Variants in PCDH15 observed in about 807,000 individuals in gnomAD.
The protein encoded by PCDH15 is protocadherin related 15.
Under a neutral mutation model 178.5 loss-of-function variants are expected in PCDH15, and 129 were observed. The observed-to-expected ratio is 0.72, with a 90% confidence interval of 0.63 to 0.84. The LOEUF is 0.84. Among genes scored for constraint, PCDH15 ranks in the 40% least tolerant of loss-of-function variants. PCDH15 has a pLI of 0.00. For missense variants in PCDH15, 2,230 were observed against 2,099.9 expected (o/e 1.06, Z -1.21); for synonymous variants, 800 against 732.0 (o/e 1.09, Z -1.50).
At chr10:54,064,984 C>T (rs2094109715) in intron 18 of PCDH15, among the ~76,000 whole-genome samples, 2 of 152,168 alleles carry the variant, frequency 1.3e-5, no homozygotes, top group Non-Finnish European at 2.9e-5. Context: ...AGCATTTAGC[C>T]CAGGTCATAC....
intron 2 of PCDH15, among the ~76,000 whole-genome samples, chr10:55,472,232 T>C (rs1000938968): frequency 2.0e-5 from 3 of 152,208 alleles, no homozygotes; most frequent in Admixed American, 1.3e-4. Context: ...ATCTAAGGCA[T>C]GTATCTATTA....
At chr10:55,473,506 A>G (rs1451135153) in intron 2 of PCDH15, among the ~76,000 whole-genome samples, 1 of 152,198 alleles carries the variant, frequency 6.6e-6, no homozygotes, top group Non-Finnish European at 1.5e-5. Context: ...ACATGGAAGA[A>G]GTACTTTACA....
intron 18 of PCDH15, among the ~76,000 whole-genome samples, chr10:54,062,248 A>AAAAAAAAAAAAAAAAAAAAT (rs2094039380): frequency 8.3e-6 from 1 of 119,926 alleles, no homozygotes; most frequent in Non-Finnish European, 1.6e-5. Context: ...AAAAAAAAAA[A>AAAAAAAAAAAAAAAAAAAAT]AAAACAAAAA....
chr10:54,223,846 G>T (rs2053158120), intron 9 of PCDH15, among the ~76,000 whole-genome samples: 1 of 152,022 alleles, frequency 6.6e-6, no homozygotes, highest in African/African-American at 2.4e-5. Context: ...TATTGTTTTT[G>T]ACAGTTCCTT....
intron 2 of PCDH15, among the ~76,000 whole-genome samples, chr10:55,448,316 A>T (rs931001810): frequency 1.3e-5 from 2 of 151,976 alleles, no homozygotes; most frequent in Admixed American, 1.3e-4. Flanking sequence ...TTTTACACTA[A>T]CATCACTCTG....
At chr10:54,297,179 A>G (rs375288658) in intron 8 of PCDH15, among the ~76,000 whole-genome samples, 45 of 152,112 alleles carry the variant, frequency 3.0e-4, no homozygotes, top group African/African-American at 1.0e-3. Context: ...GGGAGAAACA[A>G]ACAAAACAAA....
At chr10:54,537,572 A>T (rs2084719849) in intron 2 of PCDH15, among the ~76,000 whole-genome samples, 1 of 152,186 alleles carries the variant, frequency 6.6e-6, no homozygotes, top group East Asian at 1.9e-4. Context: ...AACTTAATCT[A>T]CCATTATCAA....
At chr10:55,598,968 ATAT>A (rs1042523071) in intron 2 of PCDH15, among the ~76,000 whole-genome samples, 1 of 152,134 alleles carries the variant, frequency 6.6e-6, no homozygotes, top group African/African-American at 2.4e-5. Flanking sequence ...TTGCTAAAAA[ATAT>A]TATTAGAACT....
At chr10:54,071,473 T>A (rs1590233224) in intron 17 of PCDH15, among the ~76,000 whole-genome samples, 1 of 152,138 alleles carries the variant, frequency 6.6e-6, no homozygotes, top group Non-Finnish European at 1.5e-5. Flanking sequence ...CACAAAAAAA[T>A]GCATTTTTTT....
intron 1 of PCDH15, among the ~76,000 whole-genome samples, chr10:54,768,744 T>C (rs1948776962): frequency 6.6e-6 from 1 of 152,164 alleles, no homozygotes; most frequent in African/African-American, 2.4e-5. Flanking sequence ...ACATATAGCA[T>C]GAAACCCAAG....
chr10:53,955,395 G>C lies in PCDH15; in HGVS notation c.3122+4337C>G, dbSNP rs150782569. Among the ~76,000 whole-genome samples, 110 of 152,226 alleles carry C rather than the reference G, an allele frequency of 7.2e-4. 2 individuals are homozygous for C. In the East Asian group the frequency reaches 0.019, roughly 27 times the overall value. On this transcript the variant is annotated intron_variant, in intron 23 of 37. Transcript: ENST00000644397. ...TTAATGATTTAATGACTGTCTAATA[G>C]AAATAAGTCAACGGAGTCAGTGACA...
rs1417229943 is a variant in PCDH15 at position 55,193,668 on chromosome 10, T to C, written c.-155-27017A>G. On this transcript the variant is annotated intron_variant, in intron 1 of 5. Transcript: ENST00000458638. ...TAAGTTACATTTAATCCATGAATAATGATAGTTTTTCAACTTATGTGTGTT... is the reference window on the plus strand; with the variant it reads ...TAAGTTACATTTAATCCATGAATAACGATAGTTTTTCAACTTATGTGTGTT... 2.0e-5 allele frequency among the ~76,000 whole-genome samples: 3 copies of C among 152,136 alleles called. No individual in the cohort carries two copies. In the East Asian group the frequency reaches 5.8e-4, roughly 29 times the overall value.
intron 1 of PCDH15, among the ~76,000 whole-genome samples, chr10:55,176,535 G>A (rs1248656608): frequency 6.6e-6 from 1 of 152,102 alleles, no homozygotes; most frequent in Non-Finnish European, 1.5e-5. Context: ...CCAGAAGCCA[G>A]GAAAAAGCTA....
intron 2 of PCDH15, among the ~76,000 whole-genome samples, chr10:55,601,533 A>G (rs576931395): frequency 6.6e-6 from 1 of 152,324 alleles, no homozygotes; most frequent in African/African-American, 2.4e-5. Context: ...ACAATATGTT[A>G]TAAGCAAGTA....
intron 2 of PCDH15, among the ~76,000 whole-genome samples, chr10:54,551,847 T>C (rs2086652466): frequency 6.6e-6 from 1 of 152,114 alleles, no homozygotes; most frequent in Admixed American, 6.6e-5. Flanking sequence ...AAAAAGAATC[T>C]GAGCTCACCT....
At chr10:55,311,894 C>A (rs906519106) in intron 1 of PCDH15, among the ~76,000 whole-genome samples, 4 of 152,136 alleles carry the variant, frequency 2.6e-5, no homozygotes, top group African/African-American at 7.2e-5. Context: ...ATGCAGAACT[C>A]AATTTTCAAT....
At chr10:54,580,987 C>T (rs1221203889) in intron 2 of PCDH15, among the ~76,000 whole-genome samples, 6 of 152,020 alleles carry the variant, frequency 3.9e-5, no homozygotes, top group Non-Finnish European at 8.8e-5. Flanking sequence ...AAACCTATAG[C>T]CAACATCATA....
At chr10:54,962,072 T>C (rs1838670760) in intron 2 of PCDH15, among the ~76,000 whole-genome samples, 1 of 152,224 alleles carries the variant, frequency 6.6e-6, no homozygotes, top group Non-Finnish European at 1.5e-5. Context: ...CCACATAACC[T>C]CATTCTTCCT....
chr10:55,065,215 A>G lies in PCDH15; in HGVS notation c.-80+101361T>C, dbSNP rs923355720. Among the ~76,000 whole-genome samples the G allele has an allele frequency of 3.9e-5, 6 of 152,200 alleles. No individual in the cohort carries two copies. In the South Asian group the frequency reaches 1.0e-3, roughly 26 times the overall value. On this transcript the variant is annotated intron_variant, in intron 2 of 5. Coordinates refer to the PCDH15 transcript ENST00000458638. Reference sequence around the variant, plus strand: ...TATCTAGAAATAAAGTTTCCTGTCTATAGCTCTGATCTTATCTCCTACCAT... The same window carrying G: ...TATCTAGAAATAAAGTTTCCTGTCTGTAGCTCTGATCTTATCTCCTACCAT...
Sources: allele counts gnomAD v4.1 joint callset (sites outside exome capture counted in the v4.1 genomes callset), GRCh38; gene constraint gnomAD v4.1.1; transcripts MANE v1.5; gene names NCBI Gene and HGNC (gene_info 2026-07-23, HGNC 2026-07-21).